Variants in GSK3B observed in about 807,000 individuals in gnomAD.
The protein encoded by GSK3B is glycogen synthase kinase 3 beta.
Under a neutral mutation model 56.4 loss-of-function variants are expected in GSK3B, and 15 were observed. That is an observed-to-expected ratio of 0.27 (90% CI 0.18 to 0.41). The LOEUF is 0.41. Among genes scored for constraint, GSK3B ranks in the 10% least tolerant of loss-of-function variants. The pLI is 1.00. For missense variants in GSK3B, 300 were observed against 513.4 expected (o/e 0.58, Z 4.02); for synonymous variants, 181 against 188.9 (o/e 0.96, Z 0.34).
rs59879900 is a variant in GSK3B at position 119,840,224 on chromosome 3, ATT to A, written c.1195+3029_1195+3030del. ...AAAAAAAACATGTCTGATGCCGAGAATTTTTTTTTTTTTTTTTGAGACAAAGT... is the reference window on the plus strand; with the variant it reads ...AAAAAAAACATGTCTGATGCCGAGAATTTTTTTTTTTTTTTGAGACAAAGT... On this transcript the variant is annotated intron_variant, in intron 10 of 10. Transcript: ENST00000264235. Among the ~76,000 whole-genome samples, 381 of 138,494 alleles carry A rather than the reference ATT, an allele frequency of 2.8e-3. 1 individual carries two copies. Among genetic ancestry groups the A allele is most frequent in the Middle Eastern group, 0.011 (3 of 280 alleles). 90.9% of individuals were successfully genotyped at this position (138,494 alleles called of 152,430 possible).
At chr3:120,085,319 TC>T (rs1357814616) in intron 1 of GSK3B, among the ~76,000 whole-genome samples, 1 of 152,172 alleles carries the variant, frequency 6.6e-6, no homozygotes, top group Non-Finnish European at 1.5e-5. Context: ...CCCCTTTCCT[TC>T]ATAATTTAAG....
chr3:119,912,633 T>C (rs2107454413), intron 6 of GSK3B, 71 bp downstream of exon 6: 1 of 652,174 alleles, frequency 1.5e-6, no homozygotes, highest in Non-Finnish European at 2.8e-6. Context: ...AAGTACAGAT[T>C]AGTAGTACTA....
intron 1 of GSK3B, among the ~76,000 whole-genome samples, chr3:120,080,786 C>T (rs532275655): frequency 6.6e-6 from 1 of 151,584 alleles, no homozygotes; most frequent in African/African-American, 2.4e-5. Flanking sequence ...AGCCAAATCA[C>T]GCCACTGCAC....
chr3:120,077,391 A>AT (rs1443940331), intron 1 of GSK3B, among the ~76,000 whole-genome samples: 1 of 152,184 alleles, frequency 6.6e-6, no homozygotes, highest in Non-Finnish European at 1.5e-5. Flanking sequence ...CACAGAAAAA[A>AT]ATATATATCA....
chr3:120,082,867 T>C (rs1170353759), intron 1 of GSK3B, among the ~76,000 whole-genome samples: 1 of 152,192 alleles, frequency 6.6e-6, no homozygotes, highest in African/African-American at 2.4e-5. Flanking sequence ...ATTTCACTTG[T>C]GTCTATTTTT....
At chr3:119,922,149 G>GAGGT (rs1166770452) in intron 4 of GSK3B, among the ~76,000 whole-genome samples, 2 of 149,314 alleles carry the variant, frequency 1.3e-5, no homozygotes, top group South Asian at 2.1e-4. Flanking sequence ...AGGAAGGAAG[G>GAGGT]AGGTAGGTAG....
chr3:119,985,451 C>G (rs1313284330), intron 2 of GSK3B, among the ~76,000 whole-genome samples: 1 of 152,052 alleles, frequency 6.6e-6, no homozygotes, highest in African/African-American at 2.4e-5. Flanking sequence ...CCGTCTCAGC[C>G]CAAAATCTCA....
chr3:120,075,007 T>G (rs558496641), intron 1 of GSK3B, among the ~76,000 whole-genome samples: 3 of 152,286 alleles, frequency 2.0e-5, no homozygotes, highest in African/African-American at 7.2e-5. Flanking sequence ...AATAAAGTAT[T>G]AGCAAGTCAA....
intron 10 of GSK3B, among the ~76,000 whole-genome samples, chr3:119,840,605 A>C (rs2055757604): frequency 6.6e-6 from 1 of 152,188 alleles, no homozygotes; most frequent in African/African-American, 2.4e-5. Flanking sequence ...ATGAATCTTA[A>C]ACTACAGGCA....
intron 6 of GSK3B, 35 bp downstream of exon 6, chr3:119,912,669 A>G (rs1328323154): frequency 4.3e-6 from 4 of 922,804 alleles, no homozygotes; most frequent in Admixed American, 2.0e-5. Flanking sequence ...GAAGCAATTA[A>G]TAATTATGAG....
intron 1 of GSK3B, 46 bp from the exon 2 acceptor site, chr3:120,002,285 TTAAA>T (rs2057685561): frequency 8.5e-7 from 1 of 1,177,976 alleles, no homozygotes; most frequent in African/African-American, 1.6e-5. Context: ...CTGTAAGGAA[TTAAA>T]TAGAGAAAAC....
intron 10 of GSK3B, among the ~76,000 whole-genome samples, chr3:119,831,243 A>G (rs1186451747): frequency 1.3e-5 from 2 of 152,236 alleles, no homozygotes; most frequent in Non-Finnish European, 2.9e-5. Flanking sequence ...TGGCAGCAGA[A>G]AAGATTTCCT....
At position 119,823,731 on chromosome 3, in the gene GSK3B, G is replaced by T; in HGVS notation, c.*3057C>A. 5.3e-6 allele frequency: 1 copy of T among 188,528 alleles called. No individual in the cohort carries two copies. The highest frequency in any genetic ancestry group is 1.1e-5 in the Non-Finnish European group (1 of 89,578). 11.7% of individuals were successfully genotyped at this position (188,528 alleles called of 1,614,324 possible). ...AAAGACATTCAGAACCAAAACAAAG[G>T]CAGGGCTTCAACGAAATGAAATTAC... is the stretch of plus-strand genomic sequence containing the variant. On this transcript the variant is annotated 3_prime_UTR_variant, in exon 11 of 11. Coordinates refer to ENST00000264235, the MANE Select transcript of GSK3B (RefSeq NM_001146156.2).
chr3:120,063,591 G>A (rs1010228249), intron 1 of GSK3B, among the ~76,000 whole-genome samples: 8 of 151,844 alleles, frequency 5.3e-5, no homozygotes, highest in African/African-American at 7.3e-5. Flanking sequence ...AGCAGGATGC[G>A]GTGGCAGGCA....
intron 10 of GSK3B, chr3:119,832,893 A>G: frequency 1.4e-6 from 1 of 698,764 alleles, no homozygotes; most frequent in African/African-American, 1.9e-5. Flanking sequence ...TTTCATATGT[A>G]AAATTCTATA....
intron 2 of GSK3B, among the ~76,000 whole-genome samples, chr3:119,968,962 AT>A (rs1158400818): frequency 6.6e-6 from 1 of 152,220 alleles, no homozygotes; most frequent in African/African-American, 2.4e-5. Context: ...CAAAAATGAA[AT>A]GCTTAGGTAT....
At chr3:119,850,498 A>G (rs1411575655) in intron 9 of GSK3B, among the ~76,000 whole-genome samples, 1 of 152,136 alleles carries the variant, frequency 6.6e-6, no homozygotes, top group African/African-American at 2.4e-5. Flanking sequence ...CTATAGTCCT[A>G]TTCTTGCCAC....
chr3:119,907,264 C>G (rs1309890362), intron 6 of GSK3B, among the ~76,000 whole-genome samples: 1 of 151,942 alleles, frequency 6.6e-6, no homozygotes, highest in Non-Finnish European at 1.5e-5. Context: ...AGATACAAGG[C>G]TGAAAAAATT....
chr3:120,036,629 C>A (rs1343336619), intron 1 of GSK3B, among the ~76,000 whole-genome samples: 1 of 151,872 alleles, frequency 6.6e-6, no homozygotes, highest in East Asian at 1.9e-4. Flanking sequence ...CCCGTATCTA[C>A]TAAAAATACA....
Sources: allele counts gnomAD v4.1 joint callset (sites outside exome capture counted in the v4.1 genomes callset), GRCh38; gene constraint gnomAD v4.1.1; transcripts MANE v1.5; gene names NCBI Gene and HGNC (gene_info 2026-07-23, HGNC 2026-07-21).